The following SESN1 variants were observed in gnomAD, a reference collection of about 807,000 sequenced individuals.
The protein encoded by SESN1 is sestrin-1.
SESN1 carries 30 observed loss-of-function variants against 59.3 expected under a neutral mutation model. That is an observed-to-expected ratio of 0.51 (90% CI 0.38 to 0.69). The LOEUF (loss-of-function observed/expected upper bound fraction) is 0.69, where lower values mean the gene tolerates loss of function less well. Ranked by LOEUF, SESN1 falls within the 30% of genes least tolerant of loss-of-function variation. The pLI, the probability that SESN1 is intolerant of heterozygous loss-of-function variation, is 0.00. For synonymous variants in SESN1, 197 were observed against 219.9 expected (o/e 0.90, Z 0.92); for missense variants, 566 against 673.0 (o/e 0.84, Z 1.76).
At chr6:109,024,997 G>A (rs1780068568) in intron 1 of SESN1, among the ~76,000 whole-genome samples, 1 of 152,138 alleles carries the variant, frequency 6.6e-6, no homozygotes, top group Non-Finnish European at 1.5e-5. Flanking sequence ...AGTCTAGGGA[G>A]ACAGTGAGCA....
intron 1 of SESN1, among the ~76,000 whole-genome samples, chr6:109,057,112 C>G (rs1381996995): frequency 3.3e-5 from 5 of 152,160 alleles, no homozygotes; most frequent in Non-Finnish European, 5.9e-5. Flanking sequence ...CTCAAACAAG[C>G]CTTCAGAGGA....
At chr6:109,003,916 C>G (rs1448003421) in intron 1 of SESN1, among the ~76,000 whole-genome samples, 1 of 152,138 alleles carries the variant, frequency 6.6e-6, no homozygotes, top group African/African-American at 2.4e-5. Flanking sequence ...TTTCTTTAAT[C>G]TTGAAAACTG....
At chr6:109,017,636 G>A (rs1379165339) in intron 1 of SESN1, among the ~76,000 whole-genome samples, 2 of 152,064 alleles carry the variant, frequency 1.3e-5, no homozygotes, top group African/African-American at 2.4e-5. Flanking sequence ...CTCTTAATTC[G>A]AGATTGGGAT....
At chr6:109,082,061 T>C (rs1781130387) in intron 1 of SESN1, among the ~76,000 whole-genome samples, 1 of 152,212 alleles carries the variant, frequency 6.6e-6, no homozygotes. Flanking sequence ...CTATATTATG[T>C]GTCCCTGAAG....
At chr6:109,069,743 A>G (rs906383190) in intron 1 of SESN1, among the ~76,000 whole-genome samples, 10 of 151,632 alleles carry the variant, frequency 6.6e-5, no homozygotes, top group Non-Finnish European at 5.9e-5. Flanking sequence ...AGATGGTGGG[A>G]GGGGGGGTCT....
At chr6:109,022,204 A>G (rs1583275743) in intron 1 of SESN1, among the ~76,000 whole-genome samples, 1 of 152,290 alleles carries the variant, frequency 6.6e-6, no homozygotes, top group East Asian at 1.9e-4. Context: ...AGAATGCCTT[A>G]AGCTACAAAG....
intron 1 of SESN1, among the ~76,000 whole-genome samples, chr6:109,062,991 G>A (rs1389983004): frequency 6.6e-6 from 1 of 152,162 alleles, no homozygotes; most frequent in Non-Finnish European, 1.5e-5. Flanking sequence ...ATATACAACT[G>A]CATCTGCAAA....
At chr6:109,033,208 C>A (rs2074220096) in intron 1 of SESN1, among the ~76,000 whole-genome samples, 2 of 151,932 alleles carry the variant, frequency 1.3e-5, no homozygotes, top group Admixed American at 6.6e-5. Flanking sequence ...ACACTTTAAG[C>A]TAAAGAGAGT....
At chr6:109,039,969 T>G (rs1413062593) in intron 1 of SESN1, among the ~76,000 whole-genome samples, 1 of 152,218 alleles carries the variant, frequency 6.6e-6, no homozygotes, top group Non-Finnish European at 1.5e-5. Context: ...TTCACAAATG[T>G]GTATGTACCA....
chr6:108,989,584 T>G (rs1409860438), intron 8 of SESN1, among the ~76,000 whole-genome samples: 9 of 140,516 alleles, frequency 6.4e-5, no homozygotes, highest in Middle Eastern at 3.9e-3. Flanking sequence ...TATCTATATA[T>G]AGAGAGAGAT....
Position 109,081,368 on chromosome 6 carries a change from G to C in SESN1, c.279+12427C>G, listed in dbSNP as rs115197102. Among the ~76,000 whole-genome samples the C allele has an allele frequency of 7.9e-3, 1,199 of 152,302 alleles. 21 individuals carry two copies. Among genetic ancestry groups the C allele is most frequent in the African/African-American group, 0.028 (1,146 of 41,560 alleles). On this transcript the variant is annotated intron_variant, in intron 1 of 9. Transcript: ENST00000436639. ...GGTGTGAGTCATGGTGCCCAGCCTG[G>C]TCTTAAGCATTTTGGATAAGACATA...
At position 109,014,006 on chromosome 6, in the gene SESN1, C is replaced by CTT. The variant is rs201087997; in HGVS notation, c.280-11665_280-11664dup. On this transcript the variant is annotated intron_variant, in intron 1 of 9. Transcript: ENST00000436639. ...AACTGATCCTCTTATTTGCTCTATA[C>CTT]TTTTTTTTTTTTTCAGTTCTTCAAT... 2.3e-4 allele frequency among the ~76,000 whole-genome samples: 33 copies of CTT among 143,540 alleles called. No individual in the cohort carries two copies. In the South Asian group the frequency reaches 6.1e-3, roughly 26 times the overall value. The allele number at this position is 143,540 out of a possible 152,430, so 94.2% of individuals were successfully genotyped here.
At chr6:109,044,155 TAAAA>T (rs560942228) in intron 1 of SESN1, among the ~76,000 whole-genome samples, 1 of 144,740 alleles carries the variant, frequency 6.9e-6, no homozygotes, top group African/African-American at 2.5e-5. Flanking sequence ...CTACTACAAA[TAAAA>T]AAAAAATTAT....
intron 7 of SESN1, among the ~76,000 whole-genome samples, chr6:108,992,351 A>G (rs1779403815): frequency 6.6e-6 from 1 of 152,100 alleles, no homozygotes; most frequent in Non-Finnish European, 1.5e-5. Flanking sequence ...GCCTCGGCTC[A>G]GGCAATCCAC....
chr6:109,011,606 A>C (rs1404567694), intron 1 of SESN1, among the ~76,000 whole-genome samples: 3 of 151,838 alleles, frequency 2.0e-5, no homozygotes, highest in Non-Finnish European at 4.4e-5. Context: ...AAGAGTTCCA[A>C]CAAATGTATT....
intron 5 of SESN1, among the ~76,000 whole-genome samples, chr6:108,995,799 A>G (rs1167821190): frequency 6.6e-6 from 1 of 152,160 alleles, no homozygotes; most frequent in African/African-American, 2.4e-5. Flanking sequence ...GAGAAAAAAA[A>G]GTCTTAATCT....
intron 1 of SESN1, among the ~76,000 whole-genome samples, chr6:109,021,604 A>AT (rs945371246): frequency 2.0e-4 from 30 of 151,056 alleles, no homozygotes; most frequent in East Asian, 3.9e-4. Flanking sequence ...AGCCTGGCTA[A>AT]TTTTTTTTTG....
At chr6:109,030,796 C>T (rs1780171135) in intron 1 of SESN1, among the ~76,000 whole-genome samples, 1 of 152,194 alleles carries the variant, frequency 6.6e-6, no homozygotes, top group Admixed American at 6.5e-5. Flanking sequence ...CAACTTCTTA[C>T]AACAACCTTG....
intron 1 of SESN1, among the ~76,000 whole-genome samples, chr6:109,060,096 AAGAC>A (rs1780707098): frequency 6.6e-6 from 1 of 152,072 alleles, no homozygotes; most frequent in African/African-American, 2.4e-5. Context: ...AACAACAAAA[AAGAC>A]AAACACATGT....
Sources: allele counts gnomAD v4.1 joint callset (sites outside exome capture counted in the v4.1 genomes callset), GRCh38; gene constraint gnomAD v4.1.1; transcripts MANE v1.5; gene names NCBI Gene and HGNC (gene_info 2026-07-23, HGNC 2026-07-21).